Variants in C22orf23 observed in about 807,000 individuals in gnomAD.
C22orf23 encodes the protein chromosome 22 open reading frame 23, also known as UPF0193 protein EVG1.
C22orf23 carries 30 observed loss-of-function variants against 29.7 expected under a neutral mutation model. The ratio of observed to expected loss-of-function variants is 1.01; its 90% CI spans 0.76 to 1.37. C22orf23 has a LOEUF of 1.37. Among genes scored for constraint, C22orf23 ranks in the 40% most tolerant of loss-of-function variants. C22orf23 has a pLI of 0.00. For missense variants in C22orf23, 237 were observed against 273.1 expected (o/e 0.87, Z 0.93); for synonymous variants, 90 against 96.1 (o/e 0.94, Z 0.37).
chr22:37,947,646 G>C (rs1220486768), intron 3 of C22orf23, among the ~76,000 whole-genome samples, 183 bp from the exon 4 acceptor site: 1 of 151,126 alleles, frequency 6.6e-6, no homozygotes, highest in Non-Finnish European at 1.5e-5. Flanking sequence ...AAGTAACTGG[G>C]ATTACAGGCA....
At position 37,947,319 on chromosome 22, in the gene C22orf23, C is replaced by T. The variant is rs1474283103; in HGVS notation, c.311G>A (p.Gly104Glu). ...CTTGAACTGCTCCCGGCTGTAGGCC[C>T]CATTGGCTTGACACATGTTGGCAGG... ...LRPANMCQANGAYSREQFKPQ... is the reference protein window; with the variant it reads ...LRPANMCQANEAYSREQFKPQ... The change falls in exon 4 of 7, where the codon GGG becomes GAG. Residue 104 changes from glycine (G) to glutamate (E), a missense_variant. Gly to Glu is a moderately conservative substitution (Grantham distance 98). Coordinates refer to ENST00000403305, the MANE Select transcript of C22orf23 (RefSeq NM_032561.5). The T allele has an allele frequency of 3.7e-6, 6 of 1,613,910 alleles. No individual in the cohort carries two copies. The Admixed American group carries it at 1.0e-4, about 27-fold the overall frequency.
Position 37,953,156 on chromosome 22 carries a change from ACT to A in C22orf23, c.-9_-8del. On this transcript the variant is annotated splice_region_variant and 5_prime_UTR_variant, in exon 2 of 7. Transcript: ENST00000403305. ...TCTGCTTCTGTGAAGCCATGGGAGG[ACT>A]CTGAGGAGGGAAAGACGCAATGACA... 1 of 1,607,820 alleles carries A rather than the reference ACT, an allele frequency of 6.2e-7. No homozygotes were observed. The highest frequency in any genetic ancestry group is 1.1e-5 in the South Asian group (1 of 90,850).
At position 37,947,453 on chromosome 22, in the gene C22orf23, A is replaced by T; in HGVS notation, c.177T>A (p.Ala59=). ...HIMDIMKRGD[A]LPLQCSPTSS... ...ATGTTGGGCTGCACTGTAGGGGCAA[A>T]GCATCTCCTCCTGGGGAACGAAGAG... Residue 59 remains alanine (A), a synonymous_variant, in exon 4 of 7, where the codon GCT becomes GCA. Transcript: ENST00000403305. The T allele has an allele frequency of 6.3e-7, 1 of 1,578,412 alleles. No homozygotes were observed. Among genetic ancestry groups the T allele is most frequent in the Non-Finnish European group, 8.6e-7 (1 of 1,162,038 alleles).
rs776797101 is a variant in C22orf23, at chr22:37,944,140, G to A, written c.*35C>T. Reference sequence around the variant, plus strand: ...GGCAGAGGAGTGGACTCCAGTGGTCGAGCTTGGGCTACCCTGCCCGTCTCT... The same window carrying A: ...GGCAGAGGAGTGGACTCCAGTGGTCAAGCTTGGGCTACCCTGCCCGTCTCT... On this transcript the variant is annotated 3_prime_UTR_variant, in exon 7 of 7. Coordinates refer to ENST00000403305, the MANE Select transcript of C22orf23 (RefSeq NM_032561.5). 6 of 1,597,396 alleles carry A rather than the reference G, an allele frequency of 3.8e-6. No homozygotes were observed. Among genetic ancestry groups the A allele is most frequent in the South Asian group, 1.1e-5 (1 of 90,730 alleles).
rs370287966 is a variant in C22orf23, at chr22:37,953,091, G to A, written c.59C>T (p.Pro20Leu). Residue 20 changes from proline (P) to leucine (L), a missense_variant, in exon 2 of 7, where the codon CCC becomes CTC. Physicochemically the swap from Pro to Leu is moderately conservative, Grantham distance 98. Transcript: ENST00000403305. ...VTKGTGFRRR[P>L]KTITYTPGTC... is the part of the protein sequence containing the mutation. Reference sequence around the variant, plus strand: ...CCCCGGGGTGTAAGTGATGGTCTTGGGGCGGCGCCGGAACCCAGTTCCTTT... The same window carrying A: ...CCCCGGGGTGTAAGTGATGGTCTTGAGGCGGCGCCGGAACCCAGTTCCTTT... 1.1e-5 allele frequency: 17 copies of A among 1,613,858 alleles called. No individual in the cohort carries two copies. Among genetic ancestry groups the A allele is most frequent in the Non-Finnish European group, 1.4e-5 (16 of 1,179,968 alleles).
At chr22:37,945,366 C>G (rs1326095485) in intron 4 of C22orf23, among the ~76,000 whole-genome samples, 193 bp from the exon 5 acceptor site, 1 of 151,986 alleles carries the variant, frequency 6.6e-6, no homozygotes, top group African/African-American at 2.4e-5. Flanking sequence ...TGGAAAGAAC[C>G]AAGAAAAGAG....
Position 37,947,271 on chromosome 22 carries a change from C to CCT in C22orf23, c.349+8_349+9dup, listed in dbSNP as rs778462741. On this transcript the variant is annotated intron_variant, in intron 4 of 6. Coordinates refer to ENST00000403305, the MANE Select transcript of C22orf23 (RefSeq NM_032561.5). ...GATGGAGAAAGGCCCTAGCTGAGAC[C>CCT]CTCACTTACTGGTGGCTTGAGGCTT... 92 of 1,613,950 alleles carry CCT rather than the reference C, an allele frequency of 5.7e-5. 1 individual carries two copies. Among genetic ancestry groups the CCT allele is most frequent in the Non-Finnish European group, 7.1e-5 (84 of 1,179,952 alleles).
rs970769690 is a variant in C22orf23, at chr22:37,943,330, G to A, written c.*845C>T. On this transcript the variant is annotated 3_prime_UTR_variant, in exon 7 of 7. Transcript: ENST00000403305. ...GGGTTTTGCCCAAGAAAGGTCACGC[G>A]GCACATGCAGGGATTGGAACTCCCA... is the stretch of plus-strand genomic sequence containing the variant. 6.6e-6 allele frequency: 1 copy of A among 152,082 alleles called. No individual in the cohort carries two copies. The highest frequency in any genetic ancestry group is 2.4e-5 in the African/African-American group (1 of 41,390). 9.4% of individuals were successfully genotyped at this position (152,082 alleles called of 1,614,324 possible). A position where few individuals can be genotyped will look rare whatever the true frequency, so the allele number is the denominator to read the frequency against.
intron 3 of C22orf23, among the ~76,000 whole-genome samples, chr22:37,950,039 A>G (rs1930923058): frequency 6.6e-6 from 1 of 151,908 alleles, no homozygotes; most frequent in Admixed American, 6.6e-5. Context: ...GGCTCAAGCA[A>G]TCCTCCTGCC....
In C22orf23 at chr22:37,945,980, C is replaced by T. The variant is rs898180198; in HGVS notation, c.350-807G>A. Among the ~76,000 whole-genome samples, 12 of 151,642 alleles carry T rather than the reference C, an allele frequency of 7.9e-5. No homozygotes were observed. The South Asian group carries it at 1.3e-3, about 16-fold the overall frequency. ...TACAAAAAATTAGCTGGGCATGGGC[C>T]GGGCGCGGTAGCTCATGCCTGTAAT... On this transcript the variant is annotated intron_variant, in intron 4 of 6. Transcript: ENST00000403305.
intron 3 of C22orf23, among the ~76,000 whole-genome samples, chr22:37,950,405 C>T (rs1569157617): frequency 1.3e-5 from 2 of 152,028 alleles, no homozygotes; most frequent in Admixed American, 6.6e-5. Context: ...AGCTCCCACA[C>T]CCGGCCTGAC....
chr22:37,951,271 G>A, intron 3 of C22orf23, 189 bp downstream of exon 3: 1 of 555,064 alleles, frequency 1.8e-6, no homozygotes, highest in South Asian at 2.3e-5. Context: ...GCCCGGGCTG[G>A]TCTTGAACTC....
intron 3 of C22orf23, among the ~76,000 whole-genome samples, chr22:37,949,607 G>C (rs1048685532): frequency 6.6e-6 from 1 of 150,944 alleles, no homozygotes; most frequent in African/African-American, 2.4e-5. Flanking sequence ...TACAGGCCCG[G>C]GTCACCACAC....
intron 3 of C22orf23, among the ~76,000 whole-genome samples, chr22:37,950,677 C>T (rs1436562634): frequency 1.5e-4 from 22 of 149,504 alleles, no homozygotes; most frequent in East Asian, 8.2e-4. Flanking sequence ...GAGGCCGAGG[C>T]GGGCAGATCA....
upstream of C22orf23, chr22:37,953,652 T>G (rs1931216593): frequency 7.4e-6 from 8 of 1,087,162 alleles, no homozygotes; most frequent in South Asian, 1.5e-5. Context: ...CGCTCTGTCC[T>G]GCCTCCCGGA....
chr22:37,951,284 GGGCT>G, intron 3 of C22orf23, 172 bp downstream of exon 3: 1 of 586,434 alleles, frequency 1.7e-6, no homozygotes, highest in Non-Finnish European at 3.0e-6. Flanking sequence ...TTGAACTCCT[GGGCT>G]TAAGCCATCC....
At position 37,943,488 on chromosome 22, in the gene C22orf23, G is replaced by A. The variant is rs901476735; in HGVS notation, c.*687C>T. On this transcript the variant is annotated 3_prime_UTR_variant, in exon 7 of 7. Transcript: ENST00000403305. ...TGCCAGGTAAATGCCCTTGGTTGTG[G>A]TATCTTGTTGAGACTTAGTTTTCAC... 1.3e-5 allele frequency: 2 copies of A among 152,508 alleles called. No individual in the cohort carries two copies. The highest frequency in any genetic ancestry group is 2.9e-5 in the Non-Finnish European group (2 of 68,328). The allele number at this position is 152,508 out of a possible 1,614,324, so 9.4% of individuals were successfully genotyped here. A position where few individuals can be genotyped will look rare whatever the true frequency, so the allele number is the denominator to read the frequency against.
Position 37,944,460 on chromosome 22 carries a change from T to G in C22orf23, c.539A>C (p.Gln180Pro). 6.2e-7 allele frequency: 1 copy of G among 1,614,204 alleles called. No homozygotes were observed. Among genetic ancestry groups the G allele is most frequent in the Non-Finnish European group, 8.5e-7 (1 of 1,180,050 alleles). Residue 180 changes from glutamine to proline, a missense_variant, in exon 6 of 7, where the codon CAG becomes CCG. Coordinates refer to ENST00000403305, the MANE Select transcript of C22orf23 (RefSeq NM_032561.5). ...GATGATTCCTCGGTACTGTTTGCCC[T>G]GTCCCAGGGCCTCCATGTCAGCCAG... is the stretch of plus-strand genomic sequence containing the variant. Reference protein sequence around the residue: ...EFLADMEALGQGKQYRGIILA... With the variant: ...EFLADMEALGPGKQYRGIILA...
intron 3 of C22orf23, among the ~76,000 whole-genome samples, chr22:37,949,310 G>C (rs1355042184): frequency 6.7e-6 from 1 of 148,364 alleles, no homozygotes; most frequent in African/African-American, 2.5e-5. Context: ...TTGAGACAGA[G>C]TCTCCCTCTG....
Sources: gnomAD v4.1 joint callset for allele counts (sites outside exome capture counted in the v4.1 genomes callset) on GRCh38, gnomAD v4.1.1 for gene constraint, MANE v1.5 for transcripts, NCBI Gene and HGNC (gene_info 2026-07-23, HGNC 2026-07-21) for gene names.